KCNIP4: variants seen among roughly 807,000 people sequenced by gnomAD.
KCNIP4 encodes the protein Kv channel-interacting protein 4.
In KCNIP4, 12 loss-of-function variants were observed where a neutral mutation model predicts 34.0. The observed-to-expected ratio is 0.35, with a 90% CI of 0.23 to 0.57. The LOEUF (loss-of-function observed/expected upper bound fraction) is 0.57, where lower values mean the gene tolerates loss of function less well. Among genes scored for constraint, KCNIP4 ranks in the 20% least tolerant of loss-of-function variants. The pLI is 0.83. For missense variants in KCNIP4, 238 were observed against 311.7 expected (o/e 0.76, Z 1.78); for synonymous variants, 124 against 102.2 (o/e 1.21, Z -1.29).
intron 2 of KCNIP4, among the ~76,000 whole-genome samples, chr4:20,874,984 A>C (rs1431714315): frequency 1.3e-5 from 2 of 152,168 alleles, no homozygotes; most frequent in Admixed American, 1.3e-4. Context: ...AACCTCCACC[A>C]TTTGTCACAG....
chr4:20,999,386 CA>C (rs1421540964), intron 1 of KCNIP4, among the ~76,000 whole-genome samples: 2 of 147,258 alleles, frequency 1.4e-5, no homozygotes, highest in African/African-American at 5.0e-5. Context: ...TTAGAGCACC[CA>C]AAAAAGAGGG....
intron 1 of KCNIP4, among the ~76,000 whole-genome samples, chr4:21,593,936 C>T (rs958800940): frequency 6.6e-6 from 1 of 152,038 alleles, no homozygotes; most frequent in African/African-American, 2.4e-5. Context: ...CAAGCTAAAA[C>T]AGGAATCATT....
intron 1 of KCNIP4, chr4:20,983,866 T>G: frequency 6.5e-7 from 1 of 1,536,374 alleles, no homozygotes; most frequent in Non-Finnish European, 8.7e-7. Flanking sequence ...GAGATGCACA[T>G]ATAATCACAA....
intron 1 of KCNIP4, among the ~76,000 whole-genome samples, chr4:21,338,982 G>C (rs1265087191): frequency 6.6e-6 from 1 of 152,248 alleles, no homozygotes; most frequent in South Asian, 2.1e-4. Context: ...AGAAACATGG[G>C]AACCTAAATA....
Position 21,908,864 on chromosome 4 carries a change from G to C in KCNIP4, c.61+39707C>G, listed in dbSNP as rs577083332. On this transcript the variant is annotated intron_variant, in intron 1 of 8. Transcript: ENST00000382152. The stretch of plus-strand genomic sequence containing the variant: ...CCTAAGAAATTAAGAACTGGAAATT[G>C]AGAATGGAGAATGAACACTGGATCA... Among the ~76,000 whole-genome samples, 20 of 152,276 alleles carry C rather than the reference G, an allele frequency of 1.3e-4. No individual in the cohort carries two copies. The East Asian group carries it at 3.9e-3, about 29-fold the overall frequency.
intron 2 of KCNIP4, among the ~76,000 whole-genome samples, chr4:20,878,228 G>A (rs966920318): frequency 6.6e-6 from 1 of 152,084 alleles, no homozygotes; most frequent in Non-Finnish European, 1.5e-5. Flanking sequence ...GTTCATACTT[G>A]TCATTGATTC....
chr4:21,946,018 A>C (rs1288155431), intron 1 of KCNIP4, among the ~76,000 whole-genome samples: 1 of 148,046 alleles, frequency 6.8e-6, no homozygotes, highest in Non-Finnish European at 1.5e-5. Context: ...AGCATACTAG[A>C]TGCGTTTACT....
At chr4:20,770,225 C>A (rs1755752977) in intron 3 of KCNIP4, among the ~76,000 whole-genome samples, 1 of 151,664 alleles carries the variant, frequency 6.6e-6, no homozygotes, top group African/African-American at 2.4e-5. Flanking sequence ...TTTCTTGGCA[C>A]CTGCCATAGT....
chr4:21,406,623 C>A (rs926702018), intron 1 of KCNIP4, among the ~76,000 whole-genome samples: 1 of 152,146 alleles, frequency 6.6e-6, no homozygotes, highest in African/African-American at 2.4e-5. Flanking sequence ...ACAATTATCT[C>A]AAGGAAAAGC....
At chr4:20,834,085 G>T (rs182185319) in intron 3 of KCNIP4, among the ~76,000 whole-genome samples, 1 of 152,196 alleles carries the variant, frequency 6.6e-6, no homozygotes, top group Admixed American at 6.5e-5. Context: ...CACCTGAAAA[G>T]GTGGAACAGA....
chr4:21,040,678 A>G (rs987509075), intron 1 of KCNIP4, among the ~76,000 whole-genome samples: 4 of 152,152 alleles, frequency 2.6e-5, no homozygotes, highest in Admixed American at 2.0e-4. Context: ...GAATTTAAAG[A>G]AACCTATATG....
intron 1 of KCNIP4, among the ~76,000 whole-genome samples, chr4:21,323,164 GTA>G (rs1560289740): frequency 6.2e-5 from 2 of 32,096 alleles, no homozygotes; most frequent in Non-Finnish European, 1.7e-4. Context: ...ATATATATAT[GTA>G]TATATATATG....
At chr4:21,300,915 G>C (rs551221648) in intron 1 of KCNIP4, among the ~76,000 whole-genome samples, 7 of 152,230 alleles carry the variant, frequency 4.6e-5, no homozygotes, top group Non-Finnish European at 7.4e-5. Context: ...TCTCATTTTA[G>C]AAAACTAGAG....
chr4:21,268,043 T>C (rs1761924948), intron 1 of KCNIP4, among the ~76,000 whole-genome samples: 1 of 152,200 alleles, frequency 6.6e-6, no homozygotes, highest in Non-Finnish European at 1.5e-5. Context: ...TATTGGTCTA[T>C]TCAGAGATTC....
chr4:20,908,276 T>A (rs1577349546), intron 1 of KCNIP4, among the ~76,000 whole-genome samples: 1 of 152,172 alleles, frequency 6.6e-6, no homozygotes, highest in South Asian at 2.1e-4. Flanking sequence ...ATTTTTGTAT[T>A]TTCACTAGAG....
At chr4:21,713,211 G>A (rs954720648) in intron 1 of KCNIP4, among the ~76,000 whole-genome samples, 4 of 152,186 alleles carry the variant, frequency 2.6e-5, no homozygotes, top group African/African-American at 9.7e-5. Context: ...AAACACATTG[G>A]AAATTCTTGT....
chr4:20,866,674 A>T (rs1722913479), intron 2 of KCNIP4, among the ~76,000 whole-genome samples: 1 of 152,116 alleles, frequency 6.6e-6, no homozygotes, highest in South Asian at 2.1e-4. Context: ...CAGGTGAGAG[A>T]AAGAAATAAA....
intron 1 of KCNIP4, among the ~76,000 whole-genome samples, chr4:21,631,499 T>C (rs1745763325): frequency 1.3e-5 from 2 of 152,220 alleles, no homozygotes; most frequent in African/African-American, 2.4e-5. Flanking sequence ...TTAGACATTA[T>C]ACCTATATTC....
intron 1 of KCNIP4, among the ~76,000 whole-genome samples, chr4:21,518,082 T>C (rs1444372491): frequency 6.6e-6 from 1 of 152,142 alleles, no homozygotes; most frequent in Admixed American, 6.6e-5. Flanking sequence ...ATCCCAAGAC[T>C]TTGAGATTCC....
Sources: allele counts gnomAD v4.1 joint callset (sites outside exome capture counted in the v4.1 genomes callset), GRCh38; gene constraint gnomAD v4.1.1; transcripts MANE v1.5; gene names NCBI Gene and HGNC (gene_info 2026-07-23, HGNC 2026-07-21).